The following CALN1 variants were observed in gnomAD, a reference collection of about 807,000 sequenced individuals.
CALN1 encodes the protein calcium-binding protein 8.
CALN1 carries 17 observed loss-of-function variants against 30.6 expected under a neutral mutation model. The ratio of observed to expected loss-of-function variants is 0.56; its 90% CI spans 0.38 to 0.83. CALN1 has a LOEUF of 0.83. CALN1 is among the 40% of genes least tolerant of loss of function. CALN1 has a pLI of 0.00. For missense variants in CALN1, 291 were observed against 354.9 expected (o/e 0.82, Z 1.45); for synonymous variants, 156 against 131.4 (o/e 1.19, Z -1.28).
rs1788960499 is a variant in CALN1, at chr7:71,827,116, TC to T, written c.502-16625del. Among the ~76,000 whole-genome samples the T allele has an allele frequency of 3.3e-5, 5 of 152,284 alleles. No individual in the cohort carries two copies. The South Asian group carries it at 1.0e-3, about 32-fold the overall frequency. ...GCCTGGGCTCTGTGGAAGATGGTATTCCCCTACATCATGGGTGAGAGGAGGC... is the reference window on the plus strand; with the variant it reads ...GCCTGGGCTCTGTGGAAGATGGTATTCCCTACATCATGGGTGAGAGGAGGC... On this transcript the variant is annotated intron_variant, in intron 5 of 6. Transcript: ENST00000395275.
At chr7:72,344,085 T>C (rs1282004306) in intron 2 of CALN1, among the ~76,000 whole-genome samples, 1 of 152,118 alleles carries the variant, frequency 6.6e-6, no homozygotes, top group Non-Finnish European at 1.5e-5. Flanking sequence ...CACTCTGTTA[T>C]CCAGGCTTGA....
rs138843867 is a variant in CALN1 at position 72,446,227 on chromosome 7, C to T, written c.-226+815G>A. Among the ~76,000 whole-genome samples the T allele has an allele frequency of 7.3e-3, 1,109 of 152,230 alleles. 39 individuals carry two copies. The highest frequency in any genetic ancestry group is 0.052 in the Admixed American group (800 of 15,296). ...AGAGCATTTCACCCAGAAGTCACCC[C>T]GTGAGGGTCAAAAACAAATCAATGA... On this transcript the variant is annotated intron_variant, in intron 1 of 6. Transcript: ENST00000395276.
chr7:72,365,556 T>G (rs939500621), intron 2 of CALN1, among the ~76,000 whole-genome samples: 1 of 151,938 alleles, frequency 6.6e-6, no homozygotes, highest in Non-Finnish European at 1.5e-5. Flanking sequence ...TAAACTCCTA[T>G]GTAGCTGGGA....
chr7:72,053,035 G>C (rs1040277863), intron 4 of CALN1, among the ~76,000 whole-genome samples: 1 of 152,202 alleles, frequency 6.6e-6, no homozygotes, highest in African/African-American at 2.4e-5. Flanking sequence ...TTCAAGACCA[G>C]CCTGGCCAAT....
intron 3 of CALN1, among the ~76,000 whole-genome samples, chr7:72,171,641 C>T (rs924496804): frequency 6.6e-6 from 1 of 151,996 alleles, no homozygotes; most frequent in Admixed American, 6.6e-5. Flanking sequence ...ACATCCAGGA[C>T]TAACATGTGA....
intron 6 of CALN1, among the ~76,000 whole-genome samples, chr7:71,805,621 C>A (rs1787560462): frequency 6.6e-6 from 1 of 152,112 alleles, no homozygotes; most frequent in Non-Finnish European, 1.5e-5. Context: ...CAAAAATAAA[C>A]CAAATTTGAC....
intron 2 of CALN1, among the ~76,000 whole-genome samples, chr7:72,288,453 A>G (rs1303930078): frequency 6.6e-6 from 1 of 152,144 alleles, no homozygotes; most frequent in Non-Finnish European, 1.5e-5. Flanking sequence ...TTTCATTAGA[A>G]CTGTGTCACT....
At chr7:72,151,497 ATAT>A (rs776461210) in intron 3 of CALN1, among the ~76,000 whole-genome samples, 2 of 152,144 alleles carry the variant, frequency 1.3e-5, no homozygotes, top group African/African-American at 2.4e-5. Flanking sequence ...GGGCGCCAAC[ATAT>A]TATTTTTTGG....
chr7:71,913,582 T>C (rs914846266), intron 5 of CALN1, among the ~76,000 whole-genome samples: 2 of 152,196 alleles, frequency 1.3e-5, no homozygotes, highest in Non-Finnish European at 1.5e-5. Flanking sequence ...ATGTACTTAA[T>C]GTTTTAGAGA....
At chr7:71,849,883 C>T (rs1222867154) in intron 5 of CALN1, among the ~76,000 whole-genome samples, 1 of 152,104 alleles carries the variant, frequency 6.6e-6, no homozygotes, top group Non-Finnish European at 1.5e-5. Context: ...TCCTCCCGCC[C>T]AGGCCTTCCA....
chr7:72,299,142 G>C (rs1799074128), intron 2 of CALN1, among the ~76,000 whole-genome samples: 1 of 152,140 alleles, frequency 6.6e-6, no homozygotes, highest in Non-Finnish European at 1.5e-5. Flanking sequence ...CAGCATATGG[G>C]CAACTGAAGG....
At chr7:72,258,679 A>G (rs116491341) in intron 3 of CALN1, among the ~76,000 whole-genome samples, 1,635 of 152,264 alleles carry the variant, frequency 0.011, 28 homozygotes, top group African/African-American at 0.037. Context: ...CAGCACTCTG[A>G]GGCTGAGGTG....
chr7:72,387,846 G>T (rs1343286983), intron 2 of CALN1, among the ~76,000 whole-genome samples: 2 of 152,188 alleles, frequency 1.3e-5, no homozygotes, highest in African/African-American at 4.8e-5. Context: ...TGATCCCATA[G>T]AAGTTGAAAG....
intron 3 of CALN1, among the ~76,000 whole-genome samples, chr7:72,255,251 A>G (rs550107192): frequency 1.3e-5 from 2 of 149,556 alleles, no homozygotes; most frequent in South Asian, 2.1e-4. Flanking sequence ...ACACCCGGCT[A>G]ATTCTGTTTG....
chr7:72,101,994 G>A (rs1806702065), intron 4 of CALN1, among the ~76,000 whole-genome samples: 1 of 152,158 alleles, frequency 6.6e-6, no homozygotes. Flanking sequence ...GACTAGGGAA[G>A]AAACTTAAAG....
intron 4 of CALN1, among the ~76,000 whole-genome samples, chr7:72,080,061 G>A (rs568710650): frequency 2.6e-5 from 4 of 151,912 alleles, no homozygotes; most frequent in South Asian, 2.1e-4. Context: ...GTAAGCCACC[G>A]CACCTGGCCC....
At chr7:72,410,305 G>A (rs1397567304) in intron 1 of CALN1, among the ~76,000 whole-genome samples, 1 of 152,114 alleles carries the variant, frequency 6.6e-6, no homozygotes, top group Non-Finnish European at 1.5e-5. Flanking sequence ...GGTGATTGTT[G>A]GCCATCATTT....
chr7:72,387,865 T>C (rs1480175623), intron 2 of CALN1, among the ~76,000 whole-genome samples: 1 of 151,752 alleles, frequency 6.6e-6, no homozygotes, highest in Non-Finnish European at 1.5e-5. Context: ...AGTAGAACAG[T>C]GGTTACCAGA....
At chr7:72,493,170 C>T in the CALN1 span, among the ~76,000 whole-genome samples, 12 of 152,140 alleles carry the variant, frequency 7.9e-5, no homozygotes, top group Admixed American at 5.2e-4. Context: ...ACCACCTCCC[C>T]GGGTCTCCCA....
Sources: allele counts gnomAD v4.1 joint callset (sites outside exome capture counted in the v4.1 genomes callset), GRCh38; gene constraint gnomAD v4.1.1; transcripts MANE v1.5; gene names NCBI Gene and HGNC (gene_info 2026-07-23, HGNC 2026-07-21).